Variants in PAGE2B observed in about 807,000 individuals in gnomAD.
The protein encoded by PAGE2B is PAGE family member 2B, also known as putative G antigen family E member 3.
A neutral mutation model predicts 7.6 loss-of-function variants in PAGE2B; 5 were observed. The ratio of observed to expected loss-of-function variants is 0.66; its 90% confidence interval spans 0.34 to 1.38. The LOEUF (loss-of-function observed/expected upper bound fraction) is 1.38, where lower values mean the gene tolerates loss of function less well. Among genes scored for constraint, PAGE2B ranks in the 40% most tolerant of loss-of-function variants. The pLI is 0.04. For synonymous variants in PAGE2B, 29 were observed against 26.7 expected (o/e 1.09, Z -0.27); for missense variants, 70 against 78.4 (o/e 0.89, Z 0.41).
upstream of PAGE2B, among the ~76,000 whole-genome samples, chrX:55,074,152 G>A (rs770836367): frequency 9.2e-6 from 1 of 108,351 alleles, no homozygotes; most frequent in Admixed American, 9.6e-5. Flanking sequence ...GAATTGAGGA[G>A]TGGCTTTTTT....
At chrX:55,077,744 CAGAA>C (rs1936539025) in intron 4 of PAGE2B, among the ~76,000 whole-genome samples, 1 of 112,622 alleles carries the variant, frequency 8.9e-6, no homozygotes, top group Non-Finnish European at 1.9e-5. Flanking sequence ...GAGGCCGAGA[CAGAA>C]AGATCACTTG....
At chrX:55,063,295 A>C in the PAGE2B span, among the ~76,000 whole-genome samples, 1 of 111,284 alleles carries the variant, frequency 9.0e-6, no homozygotes, top group East Asian at 2.8e-4. Context: ...TCTTTGGTTA[A>C]GCAAATTCCT....
rs368612647 is a variant in PAGE2B, at chrX:55,075,191, T to C, written c.-9+77T>C. Reference sequence around the variant, plus strand: ...GAGGAGCCAGCTGGCTTTGGACAGGTCCTGCGGCACAGTCCGTGGCTTCCG... The same window carrying C: ...GAGGAGCCAGCTGGCTTTGGACAGGCCCTGCGGCACAGTCCGTGGCTTCCG... On this transcript the variant is annotated intron_variant, in intron 1 of 4. Coordinates refer to ENST00000374971, the MANE Select transcript of PAGE2B (RefSeq NM_001015038.3). 343 of 129,672 alleles carry C rather than the reference T, an allele frequency of 2.6e-3. 1 individual carries two copies. The highest frequency in any genetic ancestry group is 0.011 in the African/African-American group (330 of 31,030). The allele number at this position is 129,672 out of a possible 1,213,427, so 10.7% of individuals were successfully genotyped here.
the PAGE2B span, among the ~76,000 whole-genome samples, chrX:55,059,188 G>A: frequency 1.8e-5 from 2 of 111,468 alleles, no homozygotes; most frequent in Non-Finnish European, 3.8e-5. Context: ...GTCCAAGATC[G>A]AGGTATATAT....
chrX:55,071,123 T>C (rs1367699021), upstream of PAGE2B, among the ~76,000 whole-genome samples: 1 of 112,159 alleles, frequency 8.9e-6, no homozygotes, highest in Non-Finnish European at 1.9e-5. Context: ...AGTTTCTTCA[T>C]AGCGTTGTTG....
At chrX:55,036,365 C>G in the PAGE2B span, among the ~76,000 whole-genome samples, 2 of 111,152 alleles carry the variant, frequency 1.8e-5, no homozygotes, top group African/African-American at 6.6e-5. Flanking sequence ...GAGAGGGCAT[C>G]CCTGTCTTGT....
At chrX:55,047,852 G>A in the PAGE2B span, among the ~76,000 whole-genome samples, 2 of 111,968 alleles carry the variant, frequency 1.8e-5, no homozygotes, top group African/African-American at 6.5e-5. Context: ...GACTTTTGTT[G>A]CCATTGCTTT....
chrX:55,061,381 C>G, the PAGE2B span, among the ~76,000 whole-genome samples: 1 of 110,718 alleles, frequency 9.0e-6, no homozygotes, highest in Non-Finnish European at 1.9e-5. Flanking sequence ...GTTTTTCAAT[C>G]CTCACCCTCC....
chrX:55,046,683 TTTG>T, the PAGE2B span, among the ~76,000 whole-genome samples: 2 of 111,651 alleles, frequency 1.8e-5, no homozygotes, highest in Non-Finnish European at 3.8e-5. Flanking sequence ...TGTAAAATAC[TTTG>T]TTGTTGTTCC....
At chrX:55,076,350 G>GTATA (rs1936514088) in intron 2 of PAGE2B, among the ~76,000 whole-genome samples, 1 of 103,662 alleles carries the variant, frequency 9.6e-6, no homozygotes, top group African/African-American at 3.9e-5. Flanking sequence ...GTGTGTGTGT[G>GTATA]TGTATATGTA....
At chrX:55,074,984 C>G (rs1936488118), upstream of PAGE2B, 1 of 114,010 alleles carries the variant, frequency 8.8e-6, no homozygotes, top group African/African-American at 3.2e-5. Flanking sequence ...TTACGCATGT[C>G]TGTTGCTACA....
At chrX:55,028,980 A>C in the PAGE2B span, among the ~76,000 whole-genome samples, 14 of 112,282 alleles carry the variant, frequency 1.2e-4, no homozygotes, top group Non-Finnish European at 2.3e-4. Flanking sequence ...TAACAAGGAC[A>C]ATCTGCATCA....
the PAGE2B span, among the ~76,000 whole-genome samples, chrX:55,066,970 AT>A: frequency 3.6e-5 from 4 of 110,620 alleles, no homozygotes; most frequent in Non-Finnish European, 5.7e-5. Flanking sequence ...CATGCTTAAA[AT>A]TTTTTTTGCC....
At chrX:55,076,443 T>C in intron 2 of PAGE2B, 126 bp from the exon 3 acceptor site, 1 of 628,606 alleles carries the variant, frequency 1.6e-6, no homozygotes, top group African/African-American at 2.3e-5. Context: ...TATACATATA[T>C]GTATATACAT....
Position 55,077,407 on chromosome X carries a change from A to G in PAGE2B, c.202A>G (p.Met68Val). 3 of 1,210,806 alleles carry G rather than the reference A, an allele frequency of 2.5e-6. No homozygotes were observed. The highest frequency in any genetic ancestry group is 3.5e-5 in the African/African-American group (2 of 57,720). ...EGAPAVQGPD[M>V]EAFQQELALL... ...CCTTTTTATCTTTTAAGGGCCTGAC[A>G]TGGAAGCTTTTCAACAGGAACTGGC... Residue 68 changes from methionine (M) to valine (V), a missense_variant, in exon 4 of 5, where the codon ATG (methionine) becomes GTG (valine). Coordinates refer to ENST00000374971, the MANE Select transcript of PAGE2B (RefSeq NM_001015038.3).
the PAGE2B span, among the ~76,000 whole-genome samples, chrX:55,043,359 G>A: frequency 9.0e-6 from 1 of 111,519 alleles, no homozygotes; most frequent in Non-Finnish European, 1.9e-5. Context: ...AAACTAAAAA[G>A]TTTCTGCTCA....
chrX:55,057,953 G>T, the PAGE2B span, among the ~76,000 whole-genome samples: 1 of 111,675 alleles, frequency 9.0e-6, no homozygotes, highest in Non-Finnish European at 1.9e-5. Flanking sequence ...AAGATATGCA[G>T]TTGAATATTT....
chrX:55,044,342 A>G, the PAGE2B span, among the ~76,000 whole-genome samples: 1 of 111,620 alleles, frequency 9.0e-6, no homozygotes, highest in Non-Finnish European at 1.9e-5. Flanking sequence ...TATTCTAAGT[A>G]AAGTAACTCA....
the PAGE2B span, among the ~76,000 whole-genome samples, chrX:55,059,104 G>A: frequency 9.0e-6 from 1 of 110,868 alleles, no homozygotes; most frequent in Non-Finnish European, 1.9e-5. Flanking sequence ...TGCTAGTGCT[G>A]CAATAACAAA....
Sources: allele counts gnomAD v4.1 joint callset (sites outside exome capture counted in the v4.1 genomes callset), GRCh38; gene constraint gnomAD v4.1.1; transcripts MANE v1.5; gene names NCBI Gene and HGNC (gene_info 2026-07-23, HGNC 2026-07-21).